NCKAP1: variants seen among roughly 807,000 people sequenced by gnomAD.
The protein encoded by NCKAP1 is NCK associated protein 1.
NCKAP1 carries 21 observed loss-of-function variants against 151.2 expected under a neutral mutation model. That is an observed-to-expected ratio of 0.14 (90% confidence interval 0.10 to 0.20). NCKAP1 has a LOEUF of 0.20. NCKAP1 is among the 10% of genes least tolerant of loss of function. The pLI is 1.00. For synonymous variants in NCKAP1, 484 were observed against 451.8 expected, an observed-to-expected ratio of 1.07 and a Z score of -0.90; for missense variants, 933 against 1,352.1, an observed-to-expected ratio of 0.69 and a Z score of 4.86.
At chr2:182,972,763 T>G (rs1697727471) in intron 15 of NCKAP1, among the ~76,000 whole-genome samples, 2 of 152,190 alleles carry the variant, frequency 1.3e-5, no homozygotes, top group Non-Finnish European at 2.9e-5. Flanking sequence ...TAGACGGAAC[T>G]GGAAGAAATT....
chr2:182,958,101 C>T (rs1697362494), intron 18 of NCKAP1, among the ~76,000 whole-genome samples: 1 of 152,144 alleles, frequency 6.6e-6, no homozygotes, highest in Admixed American at 6.6e-5. Context: ...GGCAAAAAGA[C>T]AGCGACAATT....
At chr2:182,955,345 T>C (rs1391853546) in intron 20 of NCKAP1, among the ~76,000 whole-genome samples, 1 of 152,168 alleles carries the variant, frequency 6.6e-6, no homozygotes, top group Non-Finnish European at 1.5e-5. Flanking sequence ...TTTTGTTTTA[T>C]AAATTGCTTC....
chr2:183,037,299 G>T (rs1055282762), intron 1 of NCKAP1, among the ~76,000 whole-genome samples: 2 of 152,186 alleles, frequency 1.3e-5, no homozygotes, highest in African/African-American at 4.8e-5. Context: ...ACATGAGGAG[G>T]AGTACAGGGG....
chr2:183,002,034 T>A lies in NCKAP1; in HGVS notation c.522A>T (p.Glu174Asp), dbSNP rs1698384017. ...CAATCATCTGGCCAAGGCGTGGGTA[T>A]TCTCTGTCACTTAAAACAGACATAT... is the stretch of plus-strand genomic sequence containing the variant. ...HEMTHGASDR[E>D]YPRLGQMIVD... is the part of the protein sequence containing the mutation. The change falls in exon 6 of 31, where the codon GAA (glutamate) becomes GAT (aspartate). Residue 174 changes from glutamate (E) to aspartate (D), a missense_variant. Transcript: ENST00000361354. The A allele has an allele frequency of 1.2e-6, 2 of 1,613,604 alleles. No homozygotes were observed. Among genetic ancestry groups the A allele is most frequent in the Non-Finnish European group, 1.7e-6 (2 of 1,179,750 alleles).
chr2:182,953,363 C>T (rs72886576), intron 20 of NCKAP1, 32 bp from the exon 21 acceptor site: 21,357 of 1,471,418 alleles, frequency 0.015, 223 homozygotes, highest in Non-Finnish European at 0.018. Context: ...ATAAGAAAAG[C>T]CTCTGACTTT....
chr2:182,953,780 A>G (rs566054142), intron 20 of NCKAP1, among the ~76,000 whole-genome samples: 18 of 152,320 alleles, frequency 1.2e-4, no homozygotes, highest in African/African-American at 3.1e-4. Context: ...CCTGGGCAAC[A>G]GAGTGAGACT....
Position 182,986,211 on chromosome 2 carries a change from T to C in NCKAP1, c.964A>G (p.Asn322Asp). 1 of 1,613,608 alleles carries C rather than the reference T, an allele frequency of 6.2e-7. No homozygotes were observed. Among genetic ancestry groups the C allele is most frequent in the Non-Finnish European group, 8.5e-7 (1 of 1,179,628 alleles). Reference protein sequence around the residue: ...VNIRGYNKRINDIRECKEAAV... With the variant: ...VNIRGYNKRIDDIRECKEAAV... ...GCCTCCTTGCATTCTCTTATGTCAT[T>C]AATACGTTTATTATAGCTAGGTGCA... is the stretch of plus-strand genomic sequence containing the variant. Residue 322 changes from asparagine to aspartate, a missense_variant, in exon 10 of 31, where the codon AAT becomes GAT. Asn to Asp is a conservative substitution (Grantham distance 23). Coordinates refer to ENST00000361354, the MANE Select transcript of NCKAP1 (RefSeq NM_013436.5).
intron 13 of NCKAP1, among the ~76,000 whole-genome samples, chr2:182,979,833 A>T (rs1359788763): frequency 6.6e-6 from 1 of 152,132 alleles, no homozygotes; most frequent in Non-Finnish European, 1.5e-5. Flanking sequence ...AGCAAATTAC[A>T]TAAGGCATTT....
At chr2:182,988,942 G>T in intron 9 of NCKAP1, 88 bp downstream of exon 9, 1 of 1,187,652 alleles carries the variant, frequency 8.4e-7, no homozygotes, top group East Asian at 2.3e-5. Context: ...TGCACAGTGT[G>T]ACTACTCCTT....
intron 2 of NCKAP1, among the ~76,000 whole-genome samples, chr2:183,018,172 G>A (rs1054077568): frequency 7.2e-5 from 11 of 152,154 alleles, no homozygotes; most frequent in South Asian, 6.2e-4. Flanking sequence ...GCTTGAATTC[G>A]GGAGGCAGAG....
In NCKAP1 at chr2:182,976,947, T is replaced by G; in HGVS notation, c.1428A>C (p.Glu476Asp). Reference sequence around the variant, plus strand: ...CTCTGAAATCAAATACTTCCCCATCTTCAACTGTAGTAATAGAAAAAAAAA... The same window carrying G: ...CTCTGAAATCAAATACTTCCCCATCGTCAACTGTAGTAATAGAAAAAAAAA... ...TMTSLSVKQV[E>D]DGEVFDFRGM... The change falls in exon 15 of 31, where the codon GAA becomes GAC. Residue 476 changes from glutamate (E) to aspartate (D), a missense_variant. Glu to Asp is a conservative substitution (Grantham distance 45, BLOSUM62 2). Around this residue, in one of 2 missense-constraint regions of NCKAP1, gnomAD observed 607 missense variants for 795.0 expected, o/e 0.76. Transcript: ENST00000361354. The G allele has an allele frequency of 6.5e-7, 1 of 1,531,322 alleles. No homozygotes were observed. Among genetic ancestry groups the G allele is most frequent in the South Asian group, 1.3e-5 (1 of 79,258 alleles). The allele number at this position is 1,531,322 out of a possible 1,614,324, so 94.9% of individuals were successfully genotyped here.
chr2:182,952,624 G>A, intron 22 of NCKAP1, 122 bp from the exon 23 acceptor site: 1 of 1,072,336 alleles, frequency 9.3e-7, no homozygotes. Flanking sequence ...AAAGTCTCTA[G>A]AGTGAAAGAG....
intron 23 of NCKAP1, among the ~76,000 whole-genome samples, chr2:182,950,720 T>C (rs1697196880): frequency 6.6e-6 from 1 of 152,198 alleles, no homozygotes; most frequent in Non-Finnish European, 1.5e-5. Context: ...ACCTAAAAGC[T>C]TGACATGCAT....
intron 9 of NCKAP1, among the ~76,000 whole-genome samples, chr2:182,988,454 A>T (rs1443745085): frequency 6.6e-6 from 1 of 152,212 alleles, no homozygotes; most frequent in East Asian, 1.9e-4. Context: ...TATTGGCTAC[A>T]GAATCTCAAG....
rs371191328 is a variant in NCKAP1 at position 183,030,542 on chromosome 2, A to G, written c.109-6626T>C. 1.8e-4 allele frequency among the ~76,000 whole-genome samples: 28 copies of G among 152,340 alleles called. No homozygotes were observed. The East Asian group carries it at 2.7e-3, about 15-fold the overall frequency. ...TGCTATTCGTGAGGGCACAGAAACCAGCCCCATCTGAATAATGTCAAGGAT... is the reference window on the plus strand; with the variant it reads ...TGCTATTCGTGAGGGCACAGAAACCGGCCCCATCTGAATAATGTCAAGGAT... On this transcript the variant is annotated intron_variant, in intron 1 of 30. Coordinates refer to ENST00000361354, the MANE Select transcript of NCKAP1 (RefSeq NM_013436.5).
intron 26 of NCKAP1, among the ~76,000 whole-genome samples, chr2:182,931,642 CACAA>C (rs1383552684): frequency 6.6e-6 from 1 of 152,006 alleles, no homozygotes; most frequent in Admixed American, 6.6e-5. Context: ...ACACCAAAAG[CACAA>C]ACAAACCCCC....
At chr2:182,972,113 A>G (rs1697708749) in intron 15 of NCKAP1, among the ~76,000 whole-genome samples, 1 of 151,994 alleles carries the variant, frequency 6.6e-6, no homozygotes, top group South Asian at 2.1e-4. Context: ...AGAAGGAAAC[A>G]ATCAGCACAG....
intron 18 of NCKAP1, among the ~76,000 whole-genome samples, chr2:182,960,619 C>G (rs1348200844): frequency 6.6e-6 from 1 of 152,098 alleles, no homozygotes; most frequent in Non-Finnish European, 1.5e-5. Context: ...GACCTAAAAC[C>G]ATAAAAACTC....
chr2:182,983,163 T>C (rs1575046372), intron 11 of NCKAP1, 123 bp downstream of exon 11: 2 of 778,966 alleles, frequency 2.6e-6, no homozygotes, highest in East Asian at 5.4e-5. Context: ...AAATTCATTC[T>C]CCACTAAATA....
Sources: gnomAD v4.1 joint callset for allele counts (sites outside exome capture counted in the v4.1 genomes callset) on GRCh38, gnomAD v4.1.1 for gene constraint, gnomAD v4.1.1 regional missense constraint, MANE v1.5 for transcripts, NCBI Gene and HGNC (gene_info 2026-07-23, HGNC 2026-07-21) for gene names.